MIDEAS: variants seen among roughly 807,000 people sequenced by gnomAD.
MIDEAS encodes the protein mitotic deacetylase-associated SANT domain protein.
A neutral mutation model predicts 102.7 loss-of-function variants in MIDEAS; 26 were observed. The ratio of observed to expected loss-of-function variants is 0.25; its 90% CI spans 0.19 to 0.35. MIDEAS has a LOEUF of 0.35. MIDEAS is among the 10% of genes least tolerant of loss of function. MIDEAS has a pLI of 1.00. For synonymous variants in MIDEAS, 585 were observed against 591.0 expected, an observed-to-expected ratio of 0.99 and a Z score of 0.15; for missense variants, 1,231 against 1,435.6, an observed-to-expected ratio of 0.86 and a Z score of 2.30.
At position 73,716,682 on chromosome 14, in the gene MIDEAS, C is replaced by CAAAAAAAAA. The variant is rs750452207; in HGVS notation, c.*2152_*2160dup. On this transcript the variant is annotated 3_prime_UTR_variant, in exon 13 of 13. Transcript: ENST00000423556. The stretch of plus-strand genomic sequence containing the variant: ...TGGGCGACAGAATGAGACTCTGTCT[C>CAAAAAAAAA]AAAAAAAAAAAAAAAAAAAAAAAAA... 2.8e-5 allele frequency: 2 copies of CAAAAAAAAA among 71,768 alleles called. No homozygotes were observed. The highest frequency in any genetic ancestry group is 1.7e-4 in the Admixed American group (1 of 5,870). 4.4% of individuals were successfully genotyped at this position (71,768 alleles called of 1,614,324 possible). A position where few individuals can be genotyped will look rare whatever the true frequency, so the allele number is the denominator to read the frequency against.
chr14:73,766,732 A>G (rs1283409153), intron 1 of MIDEAS, among the ~76,000 whole-genome samples: 3 of 151,710 alleles, frequency 2.0e-5, no homozygotes, highest in African/African-American at 4.8e-5. Context: ...TTGTATTTTT[A>G]GTAGAAACGG....
Position 73,759,425 on chromosome 14 carries a change from C to CGGGGCCGCGCCCGGGTGGGCG in MIDEAS, c.-248+317_-248+337dup, listed in dbSNP as rs1195152639. Reference sequence around the variant, plus strand: ...CGCCGGGTGGGGAGGGCTTTCCTGGCGGGGCCGCGCCCGGGTGGGCGGGGG... The same window carrying CGGGGCCGCGCCCGGGTGGGCG: ...CGCCGGGTGGGGAGGGCTTTCCTGGCGGGGCCGCGCCCGGGTGGGCGGGGGCCGCGCCCGGGTGGGCGGGGG... On this transcript the variant is annotated intron_variant, in intron 1 of 12. Coordinates refer to ENST00000423556, the MANE Select transcript of MIDEAS (RefSeq NM_001367710.1). The surrounding 1 kb of genome is among the most constrained non-coding windows in gnomAD (Gnocchi z 6.7). 2.0e-5 allele frequency among the ~76,000 whole-genome samples: 3 copies of CGGGGCCGCGCCCGGGTGGGCG among 151,040 alleles called. No individual in the cohort carries two copies. The highest frequency in any genetic ancestry group is 7.3e-5 in the African/African-American group (3 of 41,154).
upstream of MIDEAS, among the ~76,000 whole-genome samples, chr14:73,761,678 C>CA (rs894075092): frequency 3.3e-5 from 5 of 151,880 alleles, no homozygotes; most frequent in South Asian, 2.1e-4. Context: ...CCACCTTCTA[C>CA]AAAAAAAAGC....
intron 3 of MIDEAS, among the ~76,000 whole-genome samples, chr14:73,733,023 C>G (rs923816228): frequency 1.3e-5 from 2 of 151,700 alleles, no homozygotes; most frequent in African/African-American, 4.8e-5. Flanking sequence ...ACCCAGGAGG[C>G]GGAGGTTGCA....
At position 73,717,462 on chromosome 14, in the gene MIDEAS, C is replaced by G. The variant is rs944918100; in HGVS notation, c.*1381G>C. 1.3e-5 allele frequency: 2 copies of G among 152,296 alleles called. No homozygotes were observed. Among genetic ancestry groups the G allele is most frequent in the Admixed American group, 1.3e-4 (2 of 15,286 alleles). The allele number at this position is 152,296 out of a possible 1,614,324, so 9.4% of individuals were successfully genotyped here. The stretch of plus-strand genomic sequence containing the variant: ...ACTCTTCCCTCAGGCAAAGCACAGC[C>G]AGAGAAGGGGCAGCAAGAACTGCCT... On this transcript the variant is annotated 3_prime_UTR_variant, in exon 13 of 13. Transcript: ENST00000423556.
intron 9 of MIDEAS, chr14:73,723,175 C>G: frequency 5.6e-6 from 1 of 179,320 alleles, no homozygotes; most frequent in East Asian, 1.5e-4. Context: ...GACAGAGTCT[C>G]GCTCTGTCAC....
Position 73,770,088 on chromosome 14 carries a change from G to A in MIDEAS, c.-248+17014C>T, listed in dbSNP as rs1204016793. 2.0e-5 allele frequency among the ~76,000 whole-genome samples: 3 copies of A among 151,898 alleles called. No individual in the cohort carries two copies. The East Asian group carries it at 5.8e-4, about 29-fold the overall frequency. ...ATGCTCCACAGCACCTGTATATAGA[G>A]CCCATTCAGATTATGGTACGGTAAG... On this transcript the variant is annotated intron_variant, in intron 1 of 11. Coordinates refer to the MIDEAS transcript ENST00000394071.
At chr14:73,752,968 A>G (rs2053438782) in intron 1 of MIDEAS, among the ~76,000 whole-genome samples, 1 of 152,196 alleles carries the variant, frequency 6.6e-6, no homozygotes, top group Non-Finnish European at 1.5e-5. Context: ...CCAGCAGCCA[A>G]GAAGGGAGAC....
At chr14:73,719,037 C>A in intron 12 of MIDEAS, 29 bp from the exon 13 acceptor site, 2 of 1,453,254 alleles carry the variant, frequency 1.4e-6, no homozygotes, top group South Asian at 1.4e-5. Context: ...TGCTCAGAAC[C>A]GGCCTAGCCC....
At chr14:73,727,588 G>GT in intron 4 of MIDEAS, 64 bp from the exon 5 acceptor site, 1 of 1,467,650 alleles carries the variant, frequency 6.8e-7, no homozygotes, top group Non-Finnish European at 9.3e-7. Flanking sequence ...CCCAATCCTA[G>GT]TGGCTGCCCT....
chr14:73,740,031 C>A lies in MIDEAS; in HGVS notation c.-23G>T. 3 of 1,463,230 alleles carry A rather than the reference C, an allele frequency of 2.1e-6. No individual in the cohort carries two copies. The highest frequency in any genetic ancestry group is 1.4e-5 in the African/African-American group (1 of 70,450). 90.6% of individuals were successfully genotyped at this position (1,463,230 alleles called of 1,614,324 possible). On this transcript the variant is annotated 5_prime_UTR_variant, in exon 2 of 13. Transcript: ENST00000423556. ...CATGATGTGGCCAACTGAGCCCTGG[C>A]GGTGAGATCCCCTTCAACAGTCGCC...
chr14:73,764,897 G>GA (rs2053581920), upstream of MIDEAS, among the ~76,000 whole-genome samples: 1 of 152,222 alleles, frequency 6.6e-6, no homozygotes, highest in Admixed American at 6.5e-5. Flanking sequence ...TGTCAGGCCT[G>GA]AGAAGGAGCC....
chr14:73,721,488 C>T lies in MIDEAS; in HGVS notation c.2746G>A (p.Val916Met), dbSNP rs753087068. The change falls in exon 11 of 13, where the codon GTG becomes ATG. Residue 916 changes from valine (V) to methionine (M), a missense_variant. Around this residue, in one of 5 missense-constraint regions of MIDEAS, gnomAD observed 391 missense variants for 483.0 expected, o/e 0.81. Coordinates refer to ENST00000423556, the MANE Select transcript of MIDEAS (RefSeq NM_001367710.1). ...DIKTSQKFPR[V>M]PLPRRESPSE... is the part of the protein sequence containing the mutation. ...GGGGACTCTCTTCTGGGAAGAGGCA[C>T]CCTTGGGAACTTTTGGGAAGTCTAT... 5 of 1,613,976 alleles carry T rather than the reference C, an allele frequency of 3.1e-6. No homozygotes were observed. Among genetic ancestry groups the T allele is most frequent in the Non-Finnish European group, 4.2e-6 (5 of 1,180,020 alleles).
intron 1 of MIDEAS, among the ~76,000 whole-genome samples, chr14:73,785,973 C>T (rs1459139772): frequency 6.6e-6 from 1 of 152,226 alleles, no homozygotes; most frequent in African/African-American, 2.4e-5. Flanking sequence ...TTTTCTTCGC[C>T]ACTACCGAGG....
At chr14:73,778,028 A>C (rs1404136587) in intron 1 of MIDEAS, among the ~76,000 whole-genome samples, 1 of 151,920 alleles carries the variant, frequency 6.6e-6, no homozygotes, top group Non-Finnish European at 1.5e-5. Flanking sequence ...GAGTGAGTGA[A>C]AGAATGAAGA....
chr14:73,731,159 C>A (rs931831914), intron 3 of MIDEAS, among the ~76,000 whole-genome samples: 3 of 152,196 alleles, frequency 2.0e-5, no homozygotes, highest in African/African-American at 4.8e-5. Context: ...GAACAGAGGC[C>A]TTCCCTTGCT....
intron 11 of MIDEAS, among the ~76,000 whole-genome samples, chr14:73,720,452 T>G (rs1459448909): frequency 6.6e-6 from 1 of 152,100 alleles, no homozygotes; most frequent in Non-Finnish European, 1.5e-5. Flanking sequence ...TTCACCTTGT[T>G]GGCCAGGCTG....
rs146813869 is a variant in MIDEAS, at chr14:73,783,138, G to C, written c.-248+3964C>G. 2.3e-4 allele frequency among the ~76,000 whole-genome samples: 35 copies of C among 152,310 alleles called. No individual in the cohort carries two copies. In the East Asian group the frequency reaches 5.0e-3, roughly 22 times the overall value. ...CACCCAAAGGCTCATTTAATTTGCT[G>C]AACAGGGGATATGATCAAAGTCATG... On this transcript the variant is annotated intron_variant, in intron 1 of 11. Coordinates refer to the MIDEAS transcript ENST00000394071.
chr14:73,755,206 A>G (rs1403268587), intron 1 of MIDEAS, among the ~76,000 whole-genome samples: 1 of 152,198 alleles, frequency 6.6e-6, no homozygotes, highest in Non-Finnish European at 1.5e-5. Context: ...GAAGAGCAAC[A>G]GCAAGGGCGG....
Sources: gnomAD v4.1 joint callset for allele counts (sites outside exome capture counted in the v4.1 genomes callset) on GRCh38, gnomAD v4.1.1 for gene constraint, gnomAD v4.1.1 regional missense constraint, Gnocchi (gnomAD v3.1) non-coding constraint, MANE v1.5 for transcripts, NCBI Gene and HGNC (gene_info 2026-07-23, HGNC 2026-07-21) for gene names.